RIMS2: variants seen among roughly 807,000 people sequenced by gnomAD.
RIMS2 encodes regulating synaptic membrane exocytosis protein 2.
RIMS2 carries 59 observed loss-of-function variants against 174.4 expected under a neutral mutation model. That is an observed-to-expected ratio of 0.34 (90% CI 0.27 to 0.42). The LOEUF (loss-of-function observed/expected upper bound fraction) is 0.42. Ranked by LOEUF, RIMS2 falls within the 10% of genes least tolerant of loss-of-function variation. RIMS2 has a pLI of 1.00. For synonymous variants in RIMS2, 606 were observed against 572.5 expected, an observed-to-expected ratio of 1.06 and a Z score of -0.84; for missense variants, 1,620 against 1,666.3, an observed-to-expected ratio of 0.97 and a Z score of 0.48.
chr8:103,507,373 G>A (rs954015647), intron 1 of RIMS2, among the ~76,000 whole-genome samples: 3 of 152,016 alleles, frequency 2.0e-5, no homozygotes, highest in African/African-American at 7.2e-5. Context: ...AACTCAAAGA[G>A]AGCACACACC....
At position 103,894,358 on chromosome 8, in the gene RIMS2, A is replaced by G. The variant is rs369807795; in HGVS notation, c.1624+8135A>G. 7.9e-5 allele frequency among the ~76,000 whole-genome samples: 12 copies of G among 151,628 alleles called. 1 individual carries two copies. Among genetic ancestry groups the G allele is most frequent in the East Asian group, 7.7e-4 (4 of 5,176 alleles). On this transcript the variant is annotated intron_variant, in intron 4 of 23. Transcript: ENST00000504942. ...TTCCAGCAATGTTTCTCAGACTTCA[A>G]TGTGAATACAAAGAAACCTCCGTAT...
intron 2 of RIMS2, among the ~76,000 whole-genome samples, chr8:103,753,466 A>G (rs2097922386): frequency 6.6e-6 from 1 of 152,100 alleles, no homozygotes. Flanking sequence ...AGTTAGGGGG[A>G]GGATTCCCTC....
intron 2 of RIMS2, among the ~76,000 whole-genome samples, chr8:103,723,245 A>T (rs2097478964): frequency 6.6e-6 from 1 of 152,178 alleles, no homozygotes; most frequent in African/African-American, 2.4e-5. Context: ...CTTTATTTTG[A>T]TCTTTTGATG....
chr8:103,659,973 T>C (rs1020317935), intron 1 of RIMS2, among the ~76,000 whole-genome samples: 6 of 152,222 alleles, frequency 3.9e-5, no homozygotes, highest in African/African-American at 1.4e-4. Flanking sequence ...CCCGCCTGGA[T>C]GGTCTTCAGA....
chr8:103,726,125 G>T (rs1037925207), intron 2 of RIMS2, among the ~76,000 whole-genome samples: 1 of 152,078 alleles, frequency 6.6e-6, no homozygotes, highest in African/African-American at 2.4e-5. Context: ...CTTTACAATG[G>T]TGAGAAAGCA....
At chr8:103,956,504 G>A (rs796271232) in intron 14 of RIMS2, among the ~76,000 whole-genome samples, 2 of 152,274 alleles carry the variant, frequency 1.3e-5, no homozygotes, top group Admixed American at 6.5e-5. Context: ...ATGGGAAAAG[G>A]ATTCCCTATA....
intron 2 of RIMS2, among the ~76,000 whole-genome samples, chr8:103,724,588 T>C (rs1465095062): frequency 6.6e-6 from 1 of 152,216 alleles, no homozygotes; most frequent in Admixed American, 6.5e-5. Flanking sequence ...CAATATTTTA[T>C]CTTTTTTGTG....
chr8:103,758,276 T>C (rs2098055566), intron 2 of RIMS2, among the ~76,000 whole-genome samples: 1 of 152,190 alleles, frequency 6.6e-6, no homozygotes, highest in Non-Finnish European at 1.5e-5. Context: ...CAGAACCAGA[T>C]ATTCATTAAT....
At chr8:103,600,246 T>A (rs1431765993) in intron 1 of RIMS2, among the ~76,000 whole-genome samples, 1 of 151,708 alleles carries the variant, frequency 6.6e-6, no homozygotes, top group Non-Finnish European at 1.5e-5. Context: ...CTCCATTGTG[T>A]ATAAATGCTA....
At chr8:104,216,151 A>G (rs2099128780) in intron 19 of RIMS2, among the ~76,000 whole-genome samples, 1 of 152,228 alleles carries the variant, frequency 6.6e-6, no homozygotes, top group Non-Finnish European at 1.5e-5. Context: ...GATTCCTAAA[A>G]CTTTTTGAAG....
chr8:104,054,207 T>C (rs374480087), intron 19 of RIMS2, among the ~76,000 whole-genome samples: 83 of 152,298 alleles, frequency 5.4e-4, no homozygotes, highest in African/African-American at 1.9e-3. Flanking sequence ...TTATTCTCAG[T>C]ATTGAATGGA....
At chr8:104,104,943 T>C (rs2098011908) in intron 19 of RIMS2, among the ~76,000 whole-genome samples, 1 of 152,112 alleles carries the variant, frequency 6.6e-6, no homozygotes, top group East Asian at 1.9e-4. Flanking sequence ...GATGCTATTC[T>C]ATTAGTTGAA....
chr8:103,944,420 T>C (rs1266852711), intron 14 of RIMS2, among the ~76,000 whole-genome samples: 1 of 152,116 alleles, frequency 6.6e-6, no homozygotes, highest in Non-Finnish European at 1.5e-5. Context: ...TTTTATGTAC[T>C]AATTCTTAAA....
chr8:103,540,072 G>A (rs1841812385), intron 1 of RIMS2, among the ~76,000 whole-genome samples: 1 of 152,170 alleles, frequency 6.6e-6, no homozygotes, highest in African/African-American at 2.4e-5. Flanking sequence ...TTTCCAATAT[G>A]GCAGTGGGGT....
chr8:103,531,995 T>C (rs1037888884), intron 1 of RIMS2, among the ~76,000 whole-genome samples: 9 of 152,226 alleles, frequency 5.9e-5, no homozygotes, highest in Non-Finnish European at 1.2e-4. Context: ...GCATGAATTA[T>C]ATGCAATAAA....
chr8:104,144,284 A>G (rs1244594677), intron 19 of RIMS2, among the ~76,000 whole-genome samples: 1 of 152,202 alleles, frequency 6.6e-6, no homozygotes, highest in African/African-American at 2.4e-5. Context: ...TCTAAAGCCA[A>G]AAATTAGAAA....
Position 103,835,494 on chromosome 8 carries a change from C to T in RIMS2, c.699-49804C>T, listed in dbSNP as rs1311117661. 5.3e-5 allele frequency among the ~76,000 whole-genome samples: 8 copies of T among 152,134 alleles called. No individual in the cohort carries two copies. In the East Asian group the frequency reaches 1.5e-3, roughly 29 times the overall value. On this transcript the variant is annotated intron_variant, in intron 3 of 23. Coordinates refer to ENST00000504942, the Ensembl canonical transcript of RIMS2. ...GAGAAATTCACTTGGTGTCATCTTC[C>T]TCGAAGAATCAGTTGGTCTCCAGTA...
intron 1 of RIMS2, among the ~76,000 whole-genome samples, chr8:103,606,013 T>A (rs2095058338): frequency 6.8e-6 from 1 of 146,362 alleles, no homozygotes; most frequent in South Asian, 2.1e-4. Context: ...AGTTCTGCTC[T>A]GATTTTAGTT....
At chr8:104,098,196 TTAA>T (rs1361167688) in intron 19 of RIMS2, among the ~76,000 whole-genome samples, 2 of 152,098 alleles carry the variant, frequency 1.3e-5, no homozygotes, top group South Asian at 2.1e-4. Flanking sequence ...CCTAAGTTAA[TTAA>T]TGAGTAATAT....
Sources: gnomAD v4.1 joint callset for allele counts (sites outside exome capture counted in the v4.1 genomes callset) on GRCh38, gnomAD v4.1.1 for gene constraint, MANE v1.5 for transcripts, NCBI Gene and HGNC (gene_info 2026-07-23, HGNC 2026-07-21) for gene names.